Variants in MYH15 observed in about 807,000 individuals in gnomAD.
MYH15 encodes the protein myosin heavy chain 15.
In MYH15, 227 loss-of-function variants were observed where a neutral mutation model predicts 240.5. The ratio of observed to expected loss-of-function variants is 0.94; its 90% CI spans 0.85 to 1.05. MYH15 has a LOEUF of 1.05. Among genes scored for constraint, MYH15 ranks in the 50% least tolerant of loss-of-function variants. The pLI, the probability that MYH15 is intolerant of heterozygous loss-of-function variation, is 0.00. For missense variants in MYH15, 2,217 were observed against 2,247.5 expected, an observed-to-expected ratio of 0.99 and a Z score of 0.27; for synonymous variants, 785 against 796.7, an observed-to-expected ratio of 0.99 and a Z score of 0.25.
At chr3:108,510,643 C>T, upstream of MYH15, 1 of 1,530,742 alleles carries the variant, frequency 6.5e-7, no homozygotes, top group Non-Finnish European at 8.9e-7. Flanking sequence ...GCATCAAGCT[C>T]TAAATGAGCA....
chr3:108,499,326 A>T, intron 5 of MYH15, 129 bp downstream of exon 5: 1 of 935,670 alleles, frequency 1.1e-6, no homozygotes, highest in Non-Finnish European at 1.7e-6. Context: ...TCTTACCTCA[A>T]ATGTATTGCA....
Position 108,412,385 on chromosome 3 carries a change from C to T in MYH15, c.4146-1453G>A, listed in dbSNP as rs372409430. ...AGGACCTATTTGCTTCCCCTTCCAC[C>T]AGGATTGTAAGTTTCCTGAGGTCGC... On this transcript the variant is annotated intron_variant, in intron 30 of 40. Coordinates refer to ENST00000693548, the MANE Select transcript of MYH15 (RefSeq NM_014981.3). Among the ~76,000 whole-genome samples the T allele has an allele frequency of 2.1e-4, 32 of 152,288 alleles. No individual in the cohort carries two copies. In the East Asian group the frequency reaches 2.3e-3, roughly 11 times the overall value.
At chr3:108,474,225 A>G (rs1001378817) in intron 12 of MYH15, among the ~76,000 whole-genome samples, 1 of 148,038 alleles carries the variant, frequency 6.8e-6, no homozygotes, top group South Asian at 2.1e-4. Context: ...TTCCTAAGGG[A>G]AAAAAAAAAG....
At chr3:108,460,398 A>T in intron 16 of MYH15, 31 bp from the exon 17 acceptor site, 1 of 1,537,534 alleles carries the variant, frequency 6.5e-7, no homozygotes, top group Non-Finnish European at 8.8e-7. Context: ...AAAAGATGAA[A>T]ACATGTAAAA....
intron 40 of MYH15, among the ~76,000 whole-genome samples, 195 bp downstream of exon 40, chr3:108,383,400 A>G (rs1441757267): frequency 6.6e-6 from 1 of 152,220 alleles, no homozygotes; most frequent in Non-Finnish European, 1.5e-5. Flanking sequence ...ATGTCACTCA[A>G]ATGCTTAGCA....
chr3:108,500,523 C>T (rs1363856513), intron 3 of MYH15, among the ~76,000 whole-genome samples: 2 of 152,110 alleles, frequency 1.3e-5, no homozygotes, highest in Non-Finnish European at 1.5e-5. Flanking sequence ...ACACATGAAG[C>T]TTCTGAAGAC....
upstream of MYH15, among the ~76,000 whole-genome samples, chr3:108,515,295 T>C (rs896251135): frequency 2.6e-5 from 4 of 152,142 alleles, no homozygotes; most frequent in Non-Finnish European, 4.4e-5. Flanking sequence ...GTTGGCATTG[T>C]GGTGTGGTCA....
upstream of MYH15, among the ~76,000 whole-genome samples, chr3:108,529,664 A>T (rs1317562786): frequency 1.3e-5 from 2 of 152,202 alleles, no homozygotes; most frequent in Admixed American, 6.5e-5. Context: ...AAAACAACTT[A>T]AGAAAAAAGC....
chr3:108,428,811 C>G lies in MYH15; in HGVS notation c.3383G>C (p.Arg1128Thr). The G allele has an allele frequency of 1.2e-6, 2 of 1,614,050 alleles. No individual in the cohort carries two copies. The highest frequency in any genetic ancestry group is 1.7e-6 in the Non-Finnish European group (2 of 1,179,994). ...RTTRAKMERE[R>T]ADLTQDLADL... ...AGCCAGGTCTTGGGTGAGGTCAGCT[C>G]TCTCCCTTTCCATCTTGGCTCGAGT... is the stretch of plus-strand genomic sequence containing the variant. Residue 1128 changes from arginine (R) to threonine (T), a missense_variant, in exon 27 of 41, where the codon AGA (arginine) becomes ACA (threonine). Physicochemically the swap from Arg to Thr is moderately conservative, Grantham distance 71. Coordinates refer to ENST00000693548, the MANE Select transcript of MYH15 (RefSeq NM_014981.3).
At chr3:108,417,005 T>C in intron 28 of MYH15, 75 bp from the exon 29 acceptor site, 1 of 1,178,322 alleles carries the variant, frequency 8.5e-7, no homozygotes, top group Non-Finnish European at 1.3e-6. Context: ...CTTACTGACT[T>C]TAAGGGTAGC....
rs1284230786 is a variant in MYH15, at chr3:108,492,241, CTG to C, written c.871+257_871+258del. 6.0e-4 allele frequency among the ~76,000 whole-genome samples: 75 copies of C among 124,178 alleles called. 1 individual carries two copies. The highest frequency in any genetic ancestry group is 1.7e-3 in the South Asian group (7 of 4,132). The allele number at this position is 124,178 out of a possible 152,430, so 81.5% of individuals were successfully genotyped here. A position where few individuals can be genotyped will look rare whatever the true frequency, so the allele number is the denominator to read the frequency against. ...ACACACACACACTCACTCACCTCTG[CTG>C]GGCATCCTACCCATTTCCAAATACT... On this transcript the variant is annotated intron_variant, in intron 9 of 40. Coordinates refer to ENST00000693548, the MANE Select transcript of MYH15 (RefSeq NM_014981.3).
At chr3:108,462,250 C>A (rs1329022516) in intron 16 of MYH15, among the ~76,000 whole-genome samples, 1 of 152,104 alleles carries the variant, frequency 6.6e-6, no homozygotes, top group Non-Finnish European at 1.5e-5. Flanking sequence ...ATCTTCAAAT[C>A]CATCACATGA....
chr3:108,456,887 GA>G lies in MYH15; in HGVS notation c.2021-5del, dbSNP rs113153088. The G allele has an allele frequency of 2.0e-3, 2,801 of 1,406,326 alleles. 1 individual carries two copies. Among genetic ancestry groups the G allele is most frequent in the African/African-American group, 6.1e-3 (412 of 67,598 alleles). 87.1% of individuals were successfully genotyped at this position (1,406,326 alleles called of 1,614,324 possible). ...ACCAAGTAAGGGTCCAGTATACCTG[GA>G]AAAAAAAAAGAGTCATGGTGGATCT... On this transcript the variant is annotated splice_polypyrimidine_tract_variant and splice_region_variant and intron_variant, in intron 18 of 40. Transcript: ENST00000693548.
chr3:108,430,975 TA>T (rs1220258222), intron 25 of MYH15, 53 bp from the exon 26 acceptor site: 1 of 1,264,382 alleles, frequency 7.9e-7, no homozygotes, highest in African/African-American at 1.5e-5. Context: ...ACATTTTGTT[TA>T]AAGTAGTTAG....
intron 25 of MYH15, among the ~76,000 whole-genome samples, chr3:108,434,631 A>G (rs1364956446): frequency 6.6e-6 from 1 of 152,198 alleles, no homozygotes; most frequent in Non-Finnish European, 1.5e-5. Context: ...ATGACATAAT[A>G]TTTCACGATT....
chr3:108,449,839 G>A (rs1268984801), intron 21 of MYH15, among the ~76,000 whole-genome samples: 2 of 151,792 alleles, frequency 1.3e-5, no homozygotes, highest in Non-Finnish European at 2.9e-5. Flanking sequence ...TGAAATAAAG[G>A]GGTAATATTC....
chr3:108,440,397 T>G (rs1326453654), intron 23 of MYH15, among the ~76,000 whole-genome samples: 1 of 152,102 alleles, frequency 6.6e-6, no homozygotes, highest in Non-Finnish European at 1.5e-5. Context: ...CCCATGTGCT[T>G]TTTATGAAAG....
intron 27 of MYH15, among the ~76,000 whole-genome samples, chr3:108,421,539 T>G (rs1448801732): frequency 6.6e-6 from 1 of 152,246 alleles, no homozygotes; most frequent in Non-Finnish European, 1.5e-5. Flanking sequence ...GATCCTTTTC[T>G]GACAGTACAT....
chr3:108,471,085 A>G (rs370005552), intron 12 of MYH15, among the ~76,000 whole-genome samples: 2 of 13,572 alleles, frequency 1.5e-4, no homozygotes, highest in African/African-American at 4.9e-4. Flanking sequence ...GGAAGGAAGG[A>G]AGGAAAGAAG....
Sources: allele counts gnomAD v4.1 joint callset (sites outside exome capture counted in the v4.1 genomes callset), GRCh38; gene constraint gnomAD v4.1.1; transcripts MANE v1.5; gene names NCBI Gene and HGNC (gene_info 2026-07-23, HGNC 2026-07-21).